Variants in CEP63 observed in about 807,000 individuals in gnomAD.
CEP63 encodes the protein centrosomal protein of 63 kDa.
Under a neutral mutation model 89.1 loss-of-function variants are expected in CEP63, and 84 were observed. The observed-to-expected ratio is 0.94, with a 90% CI of 0.79 to 1.13. The LOEUF (loss-of-function observed/expected upper bound fraction) is 1.13, where lower values mean the gene tolerates loss of function less well. Ranked by LOEUF, CEP63 falls within the 50% of genes most tolerant of loss-of-function variation. The probability of loss-of-function intolerance (pLI) is 0.00; values close to 1 mark genes in which losing one functional copy is unlikely to be tolerated. For synonymous variants in CEP63, 267 were observed against 272.5 expected (o/e 0.98, Z 0.20); for missense variants, 838 against 813.3 (o/e 1.03, Z -0.37).
chr3:134,544,102 A>T (rs978166269), intron 6 of CEP63, among the ~76,000 whole-genome samples: 3 of 152,312 alleles, frequency 2.0e-5, no homozygotes, highest in Admixed American at 6.5e-5. Flanking sequence ...ACTACAGTAT[A>T]TAGTACAGGA....
At chr3:134,625,037 C>G in the CEP63 span, 6 of 1,578,970 alleles carry the variant, frequency 3.8e-6, no homozygotes, top group African/African-American at 8.1e-5. Flanking sequence ...ATGGTCAGAG[C>G]GGCCAGCTGT....
chr3:134,643,868 C>T, the CEP63 span, among the ~76,000 whole-genome samples: 1 of 150,340 alleles, frequency 6.7e-6, no homozygotes, highest in African/African-American at 2.4e-5. Flanking sequence ...GCTCTGTCAC[C>T]CAGGGTGAAG....
the CEP63 span, among the ~76,000 whole-genome samples, chr3:134,643,635 C>T: frequency 6.6e-6 from 1 of 152,228 alleles, no homozygotes; most frequent in Non-Finnish European, 1.5e-5. Context: ...TGGGTTTCTT[C>T]TGGAACAGGC....
chr3:134,559,423 A>G lies in CEP63; in HGVS notation c.1947A>G (p.Ile649Met), dbSNP rs774828518. The G allele has an allele frequency of 1.9e-6, 3 of 1,613,026 alleles. No homozygotes were observed. Among genetic ancestry groups the G allele is most frequent in the South Asian group, 1.1e-5 (1 of 90,990 alleles). ...SESMNDQEEF[I>M]SSCSLPVSPL... ...GTATGAATGACCAAGAAGAGTTTATATCTTCGGTATGGAAACTTTCTGATC... is the reference window on the plus strand; with the variant it reads ...GTATGAATGACCAAGAAGAGTTTATGTCTTCGGTATGGAAACTTTCTGATC... The change falls in exon 14 of 15, where the codon ATA (isoleucine) becomes ATG (methionine). Residue 649 changes from isoleucine (I) to methionine (M), a missense_variant. Transcript: ENST00000675561.
the CEP63 span, among the ~76,000 whole-genome samples, chr3:134,682,531 C>T: frequency 3.9e-5 from 6 of 152,256 alleles, no homozygotes; most frequent in African/African-American, 9.6e-5. Flanking sequence ...CTTTCTGAAT[C>T]GCTACTTCTG....
chr3:134,624,668 A>G, the CEP63 span, among the ~76,000 whole-genome samples: 8 of 152,192 alleles, frequency 5.3e-5, no homozygotes, highest in African/African-American at 1.9e-4. Flanking sequence ...GGCCATCTGC[A>G]TCCACGGTCC....
At chr3:134,728,984 C>T in the CEP63 span, among the ~76,000 whole-genome samples, 1,504 of 152,252 alleles carry the variant, frequency 9.9e-3, 23 homozygotes, top group African/African-American at 0.034. Flanking sequence ...GTACTACACA[C>T]AGACACACAA....
At chr3:134,485,897 A>G, upstream of CEP63, 1 of 747,758 alleles carries the variant, frequency 1.3e-6, no homozygotes, top group Non-Finnish European at 1.6e-6. Context: ...ACACTGAGCA[A>G]CGAACGCATT....
At chr3:134,667,525 A>G in the CEP63 span, among the ~76,000 whole-genome samples, 2 of 152,186 alleles carry the variant, frequency 1.3e-5, no homozygotes, top group African/African-American at 2.4e-5. Flanking sequence ...AGGACAAGGA[A>G]TTTATCCCCT....
chr3:134,734,355 A>T, the CEP63 span, among the ~76,000 whole-genome samples: 3 of 152,206 alleles, frequency 2.0e-5, no homozygotes, highest in African/African-American at 7.2e-5. Flanking sequence ...GCATTATGTT[A>T]TGTGAAAATA....
At chr3:134,650,536 C>T in the CEP63 span, among the ~76,000 whole-genome samples, 1 of 152,206 alleles carries the variant, frequency 6.6e-6, no homozygotes, top group Non-Finnish European at 1.5e-5. Context: ...GCTCTACACC[C>T]GTTAGGGAGT....
chr3:134,635,398 G>A, the CEP63 span, among the ~76,000 whole-genome samples: 7 of 151,198 alleles, frequency 4.6e-5, no homozygotes, highest in Non-Finnish European at 8.8e-5. Flanking sequence ...TCGGGAGGCT[G>A]AGGCAGGAGA....
chr3:134,772,786 T>C, the CEP63 span, among the ~76,000 whole-genome samples: 1 of 152,186 alleles, frequency 6.6e-6, no homozygotes, highest in Non-Finnish European at 1.5e-5. Flanking sequence ...GGAGTTTGAC[T>C]GCTCCCAAGA....
At chr3:134,769,108 G>T in the CEP63 span, among the ~76,000 whole-genome samples, 14 of 150,438 alleles carry the variant, frequency 9.3e-5, no homozygotes, top group Admixed American at 6.6e-5. Context: ...GGTGAAAGAA[G>T]TGTGATTTTT....
the CEP63 span, among the ~76,000 whole-genome samples, chr3:134,617,534 A>C: frequency 6.6e-6 from 1 of 152,240 alleles, no homozygotes; most frequent in African/African-American, 2.4e-5. Flanking sequence ...CACAGAACAC[A>C]GTCTGGAAAG....
At chr3:134,504,596 TTG>T (rs1270040709) in intron 2 of CEP63, among the ~76,000 whole-genome samples, 1 of 152,256 alleles carries the variant, frequency 6.6e-6, no homozygotes, top group African/African-American at 2.4e-5. Flanking sequence ...CCTTTTTAGG[TTG>T]AATCTATTTG....
the CEP63 span, among the ~76,000 whole-genome samples, chr3:134,695,129 G>A: frequency 6.6e-6 from 1 of 152,196 alleles, no homozygotes; most frequent in Non-Finnish European, 1.5e-5. Context: ...TGAGCTGTGC[G>A]GGGTAGGAGG....
the CEP63 span, among the ~76,000 whole-genome samples, chr3:134,726,186 C>T: frequency 3.3e-5 from 5 of 152,040 alleles, no homozygotes; most frequent in East Asian, 1.9e-4. Flanking sequence ...CGTTCCATGG[C>T]GAGAGAATCT....
chr3:134,547,660 G>A (rs1953819425), intron 9 of CEP63, among the ~76,000 whole-genome samples, 188 bp downstream of exon 9: 1 of 125,226 alleles, frequency 8.0e-6, no homozygotes, highest in Non-Finnish European at 1.6e-5. Flanking sequence ...ACCCAGACTG[G>A]AGTGCAATGG....
Sources: gnomAD v4.1 joint callset for allele counts (sites outside exome capture counted in the v4.1 genomes callset) on GRCh38, gnomAD v4.1.1 for gene constraint, MANE v1.5 for transcripts, NCBI Gene and HGNC (gene_info 2026-07-23, HGNC 2026-07-21) for gene names.